Variants in ZFHX2 observed in about 807,000 individuals in gnomAD.
ZFHX2 encodes the protein zinc finger homeobox 2.
Under a neutral mutation model 164.8 loss-of-function variants are expected in ZFHX2, and 75 were observed. The ratio of observed to expected loss-of-function variants is 0.46; its 90% confidence interval spans 0.38 to 0.55. The LOEUF is 0.55. ZFHX2 is among the 20% of genes least tolerant of loss of function. The probability of loss-of-function intolerance (pLI) is 0.00; values close to 1 mark genes in which losing one functional copy is unlikely to be tolerated. For synonymous variants in ZFHX2, 1,217 were observed against 1,351.4 expected (o/e 0.90, Z 2.18); for missense variants, 2,933 against 3,308.0 (o/e 0.89, Z 2.78).
intron 7 of ZFHX2, among the ~76,000 whole-genome samples, chr14:23,527,362 C>T (rs913046514): frequency 6.6e-6 from 1 of 152,186 alleles, no homozygotes; most frequent in African/African-American, 2.4e-5. Flanking sequence ...ACTTCAAATC[C>T]ATGAAATGCT....
upstream of ZFHX2, among the ~76,000 whole-genome samples, chr14:23,555,184 CG>C (rs372914214): frequency 4.6e-5 from 7 of 151,844 alleles, no homozygotes; most frequent in Middle Eastern, 3.4e-3. Context: ...GACGGCGGGC[CG>C]GGGGGGTTTC....
Position 23,534,386 on chromosome 14 carries a change from T to A in ZFHX2, c.940A>T (p.Met314Leu). The change falls in exon 2 of 10, where the codon ATG (methionine) becomes TTG (leucine). Residue 314 changes from methionine (M) to leucine (L), a missense_variant. Transcript: ENST00000419474. The surrounding 1 kb of genome is among the most constrained non-coding windows in gnomAD (Gnocchi z 4.5). Reference protein sequence around the residue: ...IPLDNSSTVNMEANVAQTEDG... With the variant: ...IPLDNSSTVNLEANVAQTEDG... ...TCTGTCTGGGCCACATTCGCCTCCA[T>A]GTTCACTGTGCTGCTGTTGTCAAGG... 6.5e-7 allele frequency: 1 copy of A among 1,536,810 alleles called. No homozygotes were observed. The highest frequency in any genetic ancestry group is 1.2e-5 in the South Asian group (1 of 84,060).
At chr14:23,539,949 G>A (rs933750113) in intron 1 of ZFHX2, among the ~76,000 whole-genome samples, 1 of 152,212 alleles carries the variant, frequency 6.6e-6, no homozygotes, top group African/African-American at 2.4e-5. Context: ...GCACCATCAA[G>A]TTTGCATACA....
chr14:23,529,444 C>G (rs1216195102), intron 6 of ZFHX2: 10 of 470,608 alleles, frequency 2.1e-5, no homozygotes, highest in Non-Finnish European at 3.9e-5. Flanking sequence ...CTTTCCTACT[C>G]TCAGCACAAT....
Position 23,522,795 on chromosome 14 carries a change from G to T in ZFHX2, c.6886C>A (p.Pro2296Thr). The part of the protein sequence containing the change: ...TNTSTAGTTD[P>T]VPGPPTEPLG... The stretch of plus-strand genomic sequence containing the variant: ...GGCTCAGTAGGAGGGCCTGGGACAG[G>T]GTCAGTGGTGCCTGCTGTGGAGGTG... The change falls in exon 10 of 10, where the codon CCT becomes ACT. Residue 2296 changes from proline to threonine, a missense_variant. Coordinates refer to ENST00000419474, the MANE Select transcript of ZFHX2 (RefSeq NM_033400.3). 1 of 1,536,344 alleles carries T rather than the reference G, an allele frequency of 6.5e-7. No homozygotes were observed. Among genetic ancestry groups the T allele is most frequent in the Non-Finnish European group, 8.7e-7 (1 of 1,146,882 alleles).
rs1273995702 is a variant in ZFHX2, at chr14:23,525,876, G to C, written c.4066C>G (p.Leu1356Val). The C allele has an allele frequency of 1.4e-6, 2 of 1,458,532 alleles. No individual in the cohort carries two copies. Among genetic ancestry groups the C allele is most frequent in the South Asian group, 2.9e-5 (2 of 69,994 alleles). The allele number at this position is 1,458,532 out of a possible 1,614,324, so 90.3% of individuals were successfully genotyped here. The change falls in exon 9 of 10, where the codon CTT (leucine) becomes GTT (valine). Residue 1356 changes from leucine to valine, a missense_variant. Physicochemically the swap from Leu to Val is conservative, Grantham distance 32. Coordinates refer to ENST00000419474, the MANE Select transcript of ZFHX2 (RefSeq NM_033400.3). The surrounding 1 kb of genome is among the most constrained non-coding windows in gnomAD (Gnocchi z 5.9). ...PPFPLVPESLLKLQQQQLLLP... is the reference protein window; with the variant it reads ...PPFPLVPESLVKLQQQQLLLP... ...AGCAGCTGCTGCTGCTGGAGCTTAA[G>C]CAGTGATTCGGGCACCAGAGGGAAG...
At chr14:23,528,661 A>G (rs1879105652) in intron 6 of ZFHX2, 1 of 985,128 alleles carries the variant, frequency 1.0e-6, no homozygotes, top group Non-Finnish European at 1.2e-6. Flanking sequence ...ATCCTCCCTC[A>G]GGCTCAGCAG....
upstream of ZFHX2, among the ~76,000 whole-genome samples, chr14:23,553,718 C>A (rs544050884): frequency 8.1e-4 from 122 of 151,172 alleles, 3 homozygotes; most frequent in East Asian, 0.018. Flanking sequence ...CAGGGTAAAA[C>A]CCCATCTCTA....
intron 1 of ZFHX2, among the ~76,000 whole-genome samples, chr14:23,539,499 G>A (rs574812269): frequency 7.2e-5 from 11 of 152,314 alleles, no homozygotes; most frequent in Non-Finnish European, 1.3e-4. Context: ...GAAAAGCCAG[G>A]CCCTGACCGA....
Position 23,535,518 on chromosome 14 carries a change from G to GTC in ZFHX2, c.-49-146_-49-145dup. On this transcript the variant is annotated intron_variant, in intron 1 of 9. Transcript: ENST00000419474. The surrounding 1 kb of genome is among the most constrained non-coding windows in gnomAD (Gnocchi z 4.5). ...TTGCTAACCTGAAATTTCACTTAGT[G>GTC]TCTAACATGCTTCAAAACTTAATAT... is the stretch of plus-strand genomic sequence containing the variant. 2.1e-6 allele frequency: 1 copy of GTC among 487,346 alleles called. No homozygotes were observed. The highest frequency in any genetic ancestry group is 3.4e-6 in the Non-Finnish European group (1 of 298,208). 30.2% of individuals were successfully genotyped at this position (487,346 alleles called of 1,614,324 possible).
intron 1 of ZFHX2, among the ~76,000 whole-genome samples, chr14:23,541,847 A>G (rs1880854739): frequency 6.6e-6 from 1 of 152,132 alleles, no homozygotes; most frequent in South Asian, 2.1e-4. Context: ...CTTACCTTCT[A>G]TATTTAAAAA....
Position 23,525,028 on chromosome 14 carries a change from C to T in ZFHX2, c.4914G>A (p.Val1638=). 2 of 1,536,210 alleles carry T rather than the reference C, an allele frequency of 1.3e-6. No individual in the cohort carries two copies. Among genetic ancestry groups the T allele is most frequent in the Non-Finnish European group, 1.7e-6 (2 of 1,146,912 alleles). ...GGGCATTCTGGAACCACACCACCACCACACGGCTAGCCAGACCCAACAGAC... is the reference window on the plus strand; with the variant it reads ...GGGCATTCTGGAACCACACCACCACTACACGGCTAGCCAGACCCAACAGAC... The part of the protein sequence containing the change: ...LASLLGLASR[V]VVVWFQNARQ... The change falls in exon 9 of 10, where the codon GTG becomes GTA. Residue 1638 remains valine, a synonymous_variant. Coordinates refer to ENST00000419474, the MANE Select transcript of ZFHX2 (RefSeq NM_033400.3). This position sits in a 1 kb window ranked among gnomAD's most constrained non-coding sequence, Gnocchi z 5.9.
Position 23,523,717 on chromosome 14 carries a change from CA to C in ZFHX2, c.6224del (p.Leu2075ArgfsTer3), listed in dbSNP as rs781027896. The C allele has an allele frequency of 6.5e-7, 1 of 1,536,484 alleles. No homozygotes were observed. Among genetic ancestry groups the C allele is most frequent in the South Asian group, 1.2e-5 (1 of 84,074 alleles). On this transcript the variant is annotated frameshift_variant, in exon 9 of 10. Transcript: ENST00000419474. LOFTEE classifies it high-confidence loss of function. This position sits in a 1 kb window ranked among gnomAD's most constrained non-coding sequence, Gnocchi z 4.1. Reference sequence around the variant, plus strand: ...AGCAGGCTTTCATGATCTTCAGCTGCAGGCTGCTCATCTGGGTCCTGTAGCG... The same window carrying C: ...AGCAGGCTTTCATGATCTTCAGCTGCGGCTGCTCATCTGGGTCCTGTAGCG... ...QRRYRTQMSSLQLKIMKACYE... is the reference protein window; with the variant it reads ...QRRYRTQMSSXQLKIMKACYE...
intron 5 of ZFHX2, 99 bp from the exon 6 acceptor site, chr14:23,529,867 G>T: frequency 8.0e-7 from 1 of 1,252,566 alleles, no homozygotes; most frequent in Non-Finnish European, 1.1e-6. Flanking sequence ...CTAGAGAAAG[G>T]GCAGGAAACT....
intron 1 of ZFHX2, among the ~76,000 whole-genome samples, chr14:23,544,759 G>A (rs1881205202): frequency 6.6e-6 from 1 of 152,182 alleles, no homozygotes. Flanking sequence ...AGCCATTAGA[G>A]ATGGAGATGA....
Position 23,534,033 on chromosome 14 carries a change from G to T in ZFHX2, c.1293C>A (p.Ala431=). 1 of 1,536,138 alleles carries T rather than the reference G, an allele frequency of 6.5e-7. No homozygotes were observed. Among genetic ancestry groups the T allele is most frequent in the Non-Finnish European group, 8.7e-7 (1 of 1,146,298 alleles). The change falls in exon 2 of 10, where the codon GCC becomes GCA. Residue 431 remains alanine (A), a synonymous_variant. Transcript: ENST00000419474. This position sits in a 1 kb window ranked among gnomAD's most constrained non-coding sequence, Gnocchi z 4.5. ...LADDYTPAPA[A]FQGLSLSSHM... ...GGCTGGACAGGCTGAGGCCCTGGAA[G>T]GCTGCAGGGGCTGGGGTGTAGTCAT...
At position 23,534,659 on chromosome 14, in the gene ZFHX2, C is replaced by A; in HGVS notation, c.667G>T (p.Gly223Cys). Residue 223 changes from glycine to cysteine, a missense_variant, in exon 2 of 10, where the codon GGC becomes TGC. By Grantham distance (159) the Gly-to-Cys change is radical. Transcript: ENST00000419474. This position sits in a 1 kb window ranked among gnomAD's most constrained non-coding sequence, Gnocchi z 4.5. ...TTGCCCCCGCTGTTCCCCATGGGGC[C>A]ATCTTTGGGATCTCCGGGTGGATTT... ...APNPPGDPKD[G>C]PMGNSGGNHV... The A allele has an allele frequency of 6.5e-7, 1 of 1,536,188 alleles. No homozygotes were observed. The highest frequency in any genetic ancestry group is 1.7e-4 in the Middle Eastern group (1 of 5,990).
intron 1 of ZFHX2, among the ~76,000 whole-genome samples, chr14:23,538,318 C>T (rs1275791458): frequency 6.6e-6 from 1 of 152,096 alleles, no homozygotes; most frequent in Non-Finnish European, 1.5e-5. Flanking sequence ...CATCCTCCCC[C>T]AACCCCAACT....
In ZFHX2 at chr14:23,535,068, T is replaced by G; in HGVS notation, c.258A>C (p.Pro86=). The change falls in exon 2 of 10, where the codon CCA becomes CCC. Residue 86 remains proline (P), a synonymous_variant. Coordinates refer to ENST00000419474, the MANE Select transcript of ZFHX2 (RefSeq NM_033400.3). The surrounding 1 kb of genome is among the most constrained non-coding windows in gnomAD (Gnocchi z 4.5). The stretch of plus-strand genomic sequence containing the variant: ...CCTTTTCCACCCCTGGGTCATTTGG[T>G]GGGAAGTGACCACAGTCAGGCCCTT... ...PQEGPDCGHF[P]PNDPGVEKDK... The G allele has an allele frequency of 6.5e-7, 1 of 1,536,240 alleles. No homozygotes were observed. The highest frequency in any genetic ancestry group is 8.7e-7 in the Non-Finnish European group (1 of 1,146,898).
Sources: gnomAD v4.1 joint callset for allele counts (sites outside exome capture counted in the v4.1 genomes callset) on GRCh38, gnomAD v4.1.1 for gene constraint, Gnocchi (gnomAD v3.1) non-coding constraint, MANE v1.5 for transcripts, NCBI Gene and HGNC (gene_info 2026-07-23, HGNC 2026-07-21) for gene names.